Variants in ZNF460 observed in about 807,000 individuals in gnomAD.
The protein encoded by ZNF460 is zinc finger protein 272.
A neutral mutation model predicts 8.4 loss-of-function variants in ZNF460; 1 was observed. That is an observed-to-expected ratio of 0.12 (90% confidence interval 0.04 to 0.56). The LOEUF (loss-of-function observed/expected upper bound fraction) is 0.56. ZNF460 is among the 20% of genes least tolerant of loss of function. ZNF460 has a pLI of 0.91. For synonymous variants in ZNF460, 262 were observed against 259.9 expected (o/e 1.01, Z -0.08); for missense variants, 477 against 714.8 (o/e 0.67, Z 3.79).
Position 57,290,930 on chromosome 19 carries a change from C to T in ZNF460, c.389C>T (p.Ala130Val), listed in dbSNP as rs764955085. Residue 130 changes from alanine (A) to valine (V), a missense_variant, in exon 3 of 3, where the codon GCG becomes GTG. Coordinates refer to ENST00000360338, the MANE Select transcript of ZNF460 (RefSeq NM_006635.4). Reference protein sequence around the residue: ...GKMSLEHEGLATADGICSMMI... With the variant: ...GKMSLEHEGLVTADGICSMMI... ...ATGAGCCTTGAACACGAAGGTTTGGCGACAGCTGATGGTATTTGTTCAATG... is the reference window on the plus strand; with the variant it reads ...ATGAGCCTTGAACACGAAGGTTTGGTGACAGCTGATGGTATTTGTTCAATG... 7.2e-5 allele frequency: 117 copies of T among 1,614,136 alleles called. No individual in the cohort carries two copies. The highest frequency in any genetic ancestry group is 2.9e-4 in the East Asian group (13 of 44,870).
At chr19:57,285,661 T>A (rs1037372029) in intron 2 of ZNF460, among the ~76,000 whole-genome samples, 1 of 152,232 alleles carries the variant, frequency 6.6e-6, no homozygotes, top group Non-Finnish European at 1.5e-5. Flanking sequence ...GATTTTGATG[T>A]TTGTGCAAAC....
At chr19:57,288,518 A>T (rs2087894855) in intron 2 of ZNF460, among the ~76,000 whole-genome samples, 1 of 152,156 alleles carries the variant, frequency 6.6e-6, no homozygotes, top group Non-Finnish European at 1.5e-5. Flanking sequence ...TTTAACCCTC[A>T]TCACAGCCTA....
chr19:57,284,496 T>C, intron 1 of ZNF460, 55 bp from the exon 2 acceptor site: 1 of 1,591,432 alleles, frequency 6.3e-7, no homozygotes, highest in South Asian at 1.1e-5. Flanking sequence ...TGACAGGTTC[T>C]AATCCTATTC....
intron 1 of ZNF460, among the ~76,000 whole-genome samples, chr19:57,282,907 C>G (rs1211192034): frequency 6.6e-6 from 1 of 151,752 alleles, no homozygotes; most frequent in Admixed American, 6.6e-5. Flanking sequence ...GGGAGGATCA[C>G]TAGATCACAG....
intron 2 of ZNF460, 28 bp from the exon 3 acceptor site, chr19:57,290,671 G>A (rs1420042736): frequency 6.3e-7 from 1 of 1,580,038 alleles, no homozygotes; most frequent in African/African-American, 1.4e-5. Context: ...ATCTTAATAA[G>A]TTCTTTTGTG....
At chr19:57,283,273 G>A (rs1162801776) in intron 1 of ZNF460, among the ~76,000 whole-genome samples, 1 of 151,676 alleles carries the variant, frequency 6.6e-6, no homozygotes, top group Non-Finnish European at 1.5e-5. Flanking sequence ...ACGTTCAAGC[G>A]ATTCTCCTGC....
In ZNF460 at chr19:57,293,986, C is replaced by T. The variant is rs2087937212; in HGVS notation, c.*1756C>T. 6.6e-6 allele frequency: 1 copy of T among 152,090 alleles called. No individual in the cohort carries two copies. Among genetic ancestry groups the T allele is most frequent in the South Asian group, 2.1e-4 (1 of 4,828 alleles). 9.4% of individuals were successfully genotyped at this position (152,090 alleles called of 1,614,324 possible). A position where few individuals can be genotyped will look rare whatever the true frequency, so the allele number is the denominator to read the frequency against. ...ATATGCCATGTTTTCTTTCTTCATT[C>T]ATCTGATAATGGACACTTAGACTGA... is the stretch of plus-strand genomic sequence containing the variant. On this transcript the variant is annotated 3_prime_UTR_variant, in exon 3 of 3. Coordinates refer to ENST00000360338, the MANE Select transcript of ZNF460 (RefSeq NM_006635.4).
In ZNF460 at chr19:57,292,086, G is replaced by T; in HGVS notation, c.1545G>T (p.Glu515Asp). ...EPIQSGNVSC[E>D]STDLIQHSII... ...TCCAGAGTGGGAACGTTTCTTGTGAGAGCACAGATCTCATTCAACACTCCA... is the reference window on the plus strand; with the variant it reads ...TCCAGAGTGGGAACGTTTCTTGTGATAGCACAGATCTCATTCAACACTCCA... Residue 515 changes from glutamate (E) to aspartate (D), a missense_variant, in exon 3 of 3, where the codon GAG becomes GAT. Physicochemically the swap from Glu to Asp is conservative, Grantham distance 45. Coordinates refer to ENST00000360338, the MANE Select transcript of ZNF460 (RefSeq NM_006635.4). 1 of 1,614,166 alleles carries T rather than the reference G, an allele frequency of 6.2e-7. No individual in the cohort carries two copies. Among genetic ancestry groups the T allele is most frequent in the Non-Finnish European group, 8.5e-7 (1 of 1,180,028 alleles).
chr19:57,289,730 C>T (rs1360028758), intron 2 of ZNF460, among the ~76,000 whole-genome samples: 2 of 152,004 alleles, frequency 1.3e-5, no homozygotes, highest in Admixed American at 6.6e-5. Flanking sequence ...TGGCCAGGCA[C>T]GGTGGGTCAC....
At position 57,290,996 on chromosome 19, in the gene ZNF460, G is replaced by C; in HGVS notation, c.455G>C (p.Gly152Ala). The C allele has an allele frequency of 6.2e-7, 1 of 1,614,192 alleles. No homozygotes were observed. Among genetic ancestry groups the C allele is most frequent in the Admixed American group, 1.7e-5 (1 of 60,026 alleles). The change falls in exon 3 of 3, where the codon GGA (glycine) becomes GCA (alanine). Residue 152 changes from glycine (G) to alanine (A), a missense_variant. Gly to Ala is a moderately conservative substitution (Grantham distance 60). Transcript: ENST00000360338. ...GTCTCACCAGAAGATGCTCTCTATG[G>C]ATTTGACTCATATGGACCAGTTACA... The part of the protein sequence containing the change: ...NQVSPEDALY[G>A]FDSYGPVTDS...
intron 2 of ZNF460, 124 bp downstream of exon 2, chr19:57,284,801 A>C: frequency 8.8e-7 from 1 of 1,137,104 alleles, no homozygotes; most frequent in Non-Finnish European, 1.2e-6. Flanking sequence ...CTGTTTCCCA[A>C]AGCTTTACTC....
intron 1 of ZNF460, among the ~76,000 whole-genome samples, 196 bp downstream of exon 1, chr19:57,281,032 T>C (rs1445901059): frequency 6.6e-6 from 1 of 152,238 alleles, no homozygotes; most frequent in South Asian, 2.1e-4. Flanking sequence ...AGTCCGTGGT[T>C]GAAGGAGTGA....
rs772256772 is a variant in ZNF460, at chr19:57,291,389, A to G, written c.848A>G (p.Asn283Ser). Residue 283 changes from asparagine (N) to serine (S), a missense_variant, in exon 3 of 3, where the codon AAT becomes AGT. Coordinates refer to ENST00000360338, the MANE Select transcript of ZNF460 (RefSeq NM_006635.4). This position sits in a 1 kb window ranked among gnomAD's most constrained non-coding sequence, Gnocchi z 8.4. The part of the protein sequence containing the change: ...VHSGEKPFVC[N>S]ECGKAFTYRS... Reference sequence around the variant, plus strand: ...AGTGGAGAGAAGCCTTTTGTGTGCAATGAATGTGGAAAGGCCTTTACCTAC... The same window carrying G: ...AGTGGAGAGAAGCCTTTTGTGTGCAGTGAATGTGGAAAGGCCTTTACCTAC... 8.1e-6 allele frequency: 13 copies of G among 1,613,868 alleles called. No individual in the cohort carries two copies. The highest frequency in any genetic ancestry group is 1.1e-5 in the Non-Finnish European group (13 of 1,179,944).
rs144613019 is a variant in ZNF460, at chr19:57,284,628, C to T, written c.108C>T (p.Ala36=). Residue 36 remains alanine, a synonymous_variant, in exon 2 of 3, where the codon GCC becomes GCT. Transcript: ENST00000360338. ...GGCAGTTGGACGTGACCCAGAGGGC[C>T]TTGTACGTGGAGGTGATGCTGGAGA... ...EWGQLDVTQR[A]LYVEVMLETC... 3 of 1,613,446 alleles carry T rather than the reference C, an allele frequency of 1.9e-6. No homozygotes were observed. The highest frequency in any genetic ancestry group is 1.1e-5 in the South Asian group (1 of 91,042).
At chr19:57,285,228 C>A (rs1654870985) in intron 2 of ZNF460, among the ~76,000 whole-genome samples, 1 of 152,142 alleles carries the variant, frequency 6.6e-6, no homozygotes, top group Admixed American at 6.6e-5. Flanking sequence ...GGATGTGTTA[C>A]CAGGAAATGG....
At chr19:57,287,945 C>T (rs1298039752) in intron 2 of ZNF460, among the ~76,000 whole-genome samples, 4 of 152,100 alleles carry the variant, frequency 2.6e-5, no homozygotes, top group Non-Finnish European at 5.9e-5. Flanking sequence ...GCCAAGATCA[C>T]ACCACTGTAC....
rs763416091 is a variant in ZNF460 at position 57,291,116 on chromosome 19, G to A, written c.575G>A (p.Arg192His). The A allele has an allele frequency of 2.5e-6, 4 of 1,614,136 alleles. No individual in the cohort carries two copies. The highest frequency in any genetic ancestry group is 1.1e-5 in the South Asian group (1 of 91,078). ...FLVQHEQILP[R>H]VKPYDCPECG... is the part of the protein sequence containing the mutation. ...GTTCAGCATGAGCAGATTCTCCCTC[G>A]TGTGAAGCCCTATGATTGCCCAGAA... The change falls in exon 3 of 3, where the codon CGT becomes CAT. Residue 192 changes from arginine to histidine, a missense_variant. Physicochemically the swap from Arg to His is conservative, Grantham distance 29 (BLOSUM62 0). Coordinates refer to ENST00000360338, the MANE Select transcript of ZNF460 (RefSeq NM_006635.4). This position sits in a 1 kb window ranked among gnomAD's most constrained non-coding sequence, Gnocchi z 8.4.
intron 1 of ZNF460, among the ~76,000 whole-genome samples, chr19:57,281,556 ATTTTTTTTTTT>A (rs71293946): frequency 3.5e-5 from 3 of 85,042 alleles, no homozygotes; most frequent in Non-Finnish European, 6.5e-5. Flanking sequence ...TAACCCTGAA[ATTTTTTTTTTT>A]TTTTTTTTTT....
chr19:57,291,588 A>C lies in ZNF460; in HGVS notation c.1047A>C (p.Ser349=). Residue 349 remains serine (S), a synonymous_variant, in exon 3 of 3, where the codon TCA becomes TCC. Transcript: ENST00000360338. This position sits in a 1 kb window ranked among gnomAD's most constrained non-coding sequence, Gnocchi z 8.4. ...LECGKAFNCR[S]HLKQHERIHT... ...GTGGGAAGGCCTTCAACTGCAGGTC[A>C]CACCTCAAGCAGCATGAGCGGATTC... The C allele has an allele frequency of 6.2e-7, 1 of 1,613,876 alleles. No homozygotes were observed. The highest frequency in any genetic ancestry group is 8.5e-7 in the Non-Finnish European group (1 of 1,179,964).
Sources: allele counts gnomAD v4.1 joint callset (sites outside exome capture counted in the v4.1 genomes callset), GRCh38; gene constraint gnomAD v4.1.1; non-coding constraint Gnocchi (gnomAD v3.1); transcripts MANE v1.5; gene names NCBI Gene and HGNC (gene_info 2026-07-23, HGNC 2026-07-21).